LRBA: variants seen among roughly 807,000 people sequenced by gnomAD.
The protein encoded by LRBA is LPS responsive beige-like anchor protein.
Under a neutral mutation model 330.0 loss-of-function variants are expected in LRBA, and 176 were observed. The ratio of observed to expected loss-of-function variants is 0.53; its 90% CI spans 0.47 to 0.60. LRBA has a LOEUF of 0.60. Ranked by LOEUF, LRBA falls within the 20% of genes least tolerant of loss-of-function variation. The pLI is 0.00. For missense variants in LRBA, 3,259 were observed against 3,444.8 expected, an observed-to-expected ratio of 0.95 and a Z score of 1.35; for synonymous variants, 1,230 against 1,193.0, an observed-to-expected ratio of 1.03 and a Z score of -0.64.
Position 150,312,911 on chromosome 4 carries a change from C to A in LRBA, c.7694-2527G>T, listed in dbSNP as rs544112787. 5.3e-5 allele frequency among the ~76,000 whole-genome samples: 8 copies of A among 151,934 alleles called. No homozygotes were observed. In the South Asian group the frequency reaches 1.7e-3, roughly 32 times the overall value. On this transcript the variant is annotated intron_variant, in intron 51 of 56. Coordinates refer to ENST00000651943, the MANE Select transcript of LRBA (RefSeq NM_001364905.1). ...ATCTATAAAAACAAGTAAGATAGAC[C>A]TGCTGATGATGTATTTTTAATAAAT...
At chr4:151,014,235 A>G (rs1745173633) in intron 2 of LRBA, 192 bp downstream of exon 2, 2 of 545,164 alleles carry the variant, frequency 3.7e-6, no homozygotes, top group Non-Finnish European at 6.5e-6. Context: ...AACCTGGATC[A>G]TCTAAGTTTG....
intron 40 of LRBA, among the ~76,000 whole-genome samples, chr4:150,516,377 A>C (rs1457642508): frequency 1.3e-5 from 2 of 151,860 alleles, no homozygotes; most frequent in African/African-American, 4.8e-5. Context: ...ATGTGACTAC[A>C]TATATAATCT....
intron 2 of LRBA, among the ~76,000 whole-genome samples, chr4:150,989,234 G>A (rs574185285): frequency 3.3e-5 from 5 of 150,492 alleles, no homozygotes; most frequent in South Asian, 2.1e-4. Flanking sequence ...TCAAACTCCC[G>A]ATCTGAAGTG....
intron 47 of LRBA, among the ~76,000 whole-genome samples, chr4:150,378,996 A>T (rs553084179): frequency 2.2e-4 from 33 of 152,192 alleles, no homozygotes; most frequent in African/African-American, 7.9e-4. Flanking sequence ...ACAATAAGCC[A>T]CTACATTAAA....
chr4:150,694,886 T>C (rs1300844882), intron 36 of LRBA, among the ~76,000 whole-genome samples: 7 of 152,220 alleles, frequency 4.6e-5, no homozygotes, highest in African/African-American at 1.2e-4. Context: ...CTTCACACTT[T>C]TGGTAATAAA....
chr4:150,784,253 CA>C (rs976468099), intron 34 of LRBA, among the ~76,000 whole-genome samples: 5 of 152,096 alleles, frequency 3.3e-5, no homozygotes, highest in African/African-American at 1.2e-4. Context: ...TTATTTTAGG[CA>C]GATAGAGAGG....
At chr4:150,437,938 G>A (rs1304442744) in intron 44 of LRBA, among the ~76,000 whole-genome samples, 5 of 152,128 alleles carry the variant, frequency 3.3e-5, no homozygotes, top group Non-Finnish European at 7.3e-5. Context: ...GGTAATACAC[G>A]AACTCCATTA....
At chr4:150,741,208 C>A (rs1560755343) in intron 35 of LRBA, among the ~76,000 whole-genome samples, 1 of 152,038 alleles carries the variant, frequency 6.6e-6, no homozygotes, top group Admixed American at 6.6e-5. Context: ...TGAAAGCCAC[C>A]ACTAAGAGAA....
At chr4:150,549,595 T>C (rs1388215510) in intron 40 of LRBA, among the ~76,000 whole-genome samples, 1 of 152,232 alleles carries the variant, frequency 6.6e-6, no homozygotes, top group Non-Finnish European at 1.5e-5. Context: ...CCTCCCAAAA[T>C]GCTGGGATTA....
At chr4:150,725,614 A>G (rs1438831246) in intron 36 of LRBA, among the ~76,000 whole-genome samples, 1 of 152,218 alleles carries the variant, frequency 6.6e-6, no homozygotes, top group Non-Finnish European at 1.5e-5. Flanking sequence ...AAAGACAAGG[A>G]TGTTCATGAG....
chr4:150,659,181 G>C (rs371297362), intron 37 of LRBA, among the ~76,000 whole-genome samples: 1 of 116,690 alleles, frequency 8.6e-6, no homozygotes, highest in Non-Finnish European at 1.9e-5. Flanking sequence ...GCCGCCCATC[G>C]TCTGGGATGT....
At chr4:150,524,107 G>A (rs901848836) in intron 40 of LRBA, among the ~76,000 whole-genome samples, 1 of 152,140 alleles carries the variant, frequency 6.6e-6, no homozygotes, top group Non-Finnish European at 1.5e-5. Flanking sequence ...GCTTTGTTAA[G>A]ACAAGTACAG....
chr4:150,876,979 C>T (rs1265631939), intron 17 of LRBA, among the ~76,000 whole-genome samples: 2 of 152,010 alleles, frequency 1.3e-5, no homozygotes, highest in South Asian at 2.1e-4. Flanking sequence ...TTCAGCTGGG[C>T]GCAGTGGCTC....
intron 47 of LRBA, among the ~76,000 whole-genome samples, chr4:150,382,412 C>A (rs1742404892): frequency 6.6e-6 from 1 of 151,984 alleles, no homozygotes; most frequent in Non-Finnish European, 1.5e-5. Context: ...TCACTTGAGG[C>A]TGTGAGTTCA....
chr4:150,806,485 C>CATAT, intron 32 of LRBA, 81 bp from the exon 33 acceptor site: 1 of 762,624 alleles, frequency 1.3e-6, no homozygotes, highest in Non-Finnish European at 1.9e-6. Flanking sequence ...GATGTATTTC[C>CATAT]ATATATATAT....
At chr4:150,640,847 C>A (rs903152138) in intron 37 of LRBA, among the ~76,000 whole-genome samples, 4 of 152,144 alleles carry the variant, frequency 2.6e-5, no homozygotes, top group Admixed American at 2.0e-4. Context: ...TAAGTTCCTA[C>A]TATCCTACAG....
chr4:150,637,619 C>G (rs1778052984), intron 37 of LRBA, among the ~76,000 whole-genome samples: 1 of 152,160 alleles, frequency 6.6e-6, no homozygotes, highest in African/African-American at 2.4e-5. Context: ...AAGTAAGCCA[C>G]CATACTGGAG....
At chr4:151,003,024 A>G (rs1404232001) in intron 2 of LRBA, among the ~76,000 whole-genome samples, 1 of 135,100 alleles carries the variant, frequency 7.4e-6, no homozygotes, top group Non-Finnish European at 1.6e-5. Flanking sequence ...AAAAAAAAAT[A>G]TGTGTGTGTG....
At chr4:150,410,902 T>C (rs1746894881) in intron 47 of LRBA, among the ~76,000 whole-genome samples, 1 of 152,178 alleles carries the variant, frequency 6.6e-6, no homozygotes, top group South Asian at 2.1e-4. Flanking sequence ...TAAGAGGCAG[T>C]ATAATATGTA....
Sources: gnomAD v4.1 joint callset for allele counts (sites outside exome capture counted in the v4.1 genomes callset) on GRCh38, gnomAD v4.1.1 for gene constraint, MANE v1.5 for transcripts, NCBI Gene and HGNC (gene_info 2026-07-23, HGNC 2026-07-21) for gene names.